The following AFAP1 variants were observed in gnomAD, a reference collection of about 807,000 sequenced individuals.
The protein encoded by AFAP1 is actin filament associated protein 1.
In AFAP1, 75 loss-of-function variants were observed where a neutral mutation model predicts 93.9. The ratio of observed to expected loss-of-function variants is 0.80; its 90% CI spans 0.66 to 0.97. The LOEUF (loss-of-function observed/expected upper bound fraction) is 0.97, where lower values mean the gene tolerates loss of function less well. Among genes scored for constraint, AFAP1 ranks in the 50% least tolerant of loss-of-function variants. The pLI, the probability that AFAP1 is intolerant of heterozygous loss-of-function variation, is 0.00. For synonymous variants in AFAP1, 517 were observed against 430.7 expected (o/e 1.20, Z -2.48); for missense variants, 1,201 against 1,050.8 (o/e 1.14, Z -1.98).
intron 10 of AFAP1, among the ~76,000 whole-genome samples, chr4:7,794,768 C>T (rs1718226522): frequency 6.6e-6 from 1 of 152,128 alleles, no homozygotes; most frequent in African/African-American, 2.4e-5. Flanking sequence ...TCAAGCGATT[C>T]TCCTACCTCA....
chr4:7,846,824 G>A (rs1455324868), intron 4 of AFAP1, among the ~76,000 whole-genome samples: 1 of 152,168 alleles, frequency 6.6e-6, no homozygotes, highest in Non-Finnish European at 1.5e-5. Flanking sequence ...TAAGACATTA[G>A]TCTTATTCAG....
At chr4:7,793,167 T>G (rs1052616249) in intron 11 of AFAP1, among the ~76,000 whole-genome samples, 1 of 141,132 alleles carries the variant, frequency 7.1e-6, no homozygotes, top group South Asian at 2.4e-4. Flanking sequence ...GCAGCATTTT[T>G]TTTTTTAAAA....
intron 6 of AFAP1, among the ~76,000 whole-genome samples, chr4:7,834,486 C>T (rs182369768): frequency 6.6e-6 from 1 of 152,330 alleles, no homozygotes; most frequent in East Asian, 1.9e-4. Flanking sequence ...CCAAACACCA[C>T]CTGTTCCCCA....
intron 13 of AFAP1, among the ~76,000 whole-genome samples, 171 bp downstream of exon 13, chr4:7,781,205 A>G (rs991915239): frequency 2.0e-5 from 3 of 152,216 alleles, no homozygotes; most frequent in African/African-American, 7.2e-5. Flanking sequence ...CTCGTTAGAA[A>G]TATCTCATCA....
chr4:7,792,477 T>C (rs1478446932), intron 11 of AFAP1, among the ~76,000 whole-genome samples: 1 of 152,208 alleles, frequency 6.6e-6, no homozygotes, highest in African/African-American at 2.4e-5. Context: ...AAATGTATCA[T>C]AAGCAACAAA....
intron 2 of AFAP1, among the ~76,000 whole-genome samples, chr4:7,871,021 C>T (rs1716982919): frequency 6.6e-6 from 1 of 152,192 alleles, no homozygotes; most frequent in Non-Finnish European, 1.5e-5. Flanking sequence ...TCTCACATCC[C>T]ATCATCCAGG....
intron 1 of AFAP1, among the ~76,000 whole-genome samples, chr4:7,893,400 G>A (rs1273074848): frequency 1.3e-5 from 2 of 152,058 alleles, no homozygotes. Flanking sequence ...CTAACATGGT[G>A]AAACCCCGTC....
intron 7 of AFAP1, among the ~76,000 whole-genome samples, chr4:7,817,926 A>G (rs1720628107): frequency 1.3e-5 from 2 of 152,076 alleles, no homozygotes; most frequent in Admixed American, 1.3e-4. Flanking sequence ...CATCCCATTT[A>G]TGTTTCTATG....
chr4:7,934,586 T>C (rs1286766072), intron 1 of AFAP1, among the ~76,000 whole-genome samples: 5 of 152,052 alleles, frequency 3.3e-5, no homozygotes, highest in Admixed American at 3.3e-4. Context: ...TCAGGAGAAG[T>C]TGGTGACGAG....
chr4:7,904,920 A>G (rs1018690368), intron 1 of AFAP1, among the ~76,000 whole-genome samples: 1 of 152,036 alleles, frequency 6.6e-6, no homozygotes, highest in African/African-American at 2.4e-5. Flanking sequence ...TGTTGCCCAG[A>G]CTGGTCCCGA....
rs779625940 is a variant in AFAP1 at position 7,800,461 on chromosome 4, T to C, written c.1247A>G (p.Gln416Arg). The change falls in exon 10 of 18, where the codon CAG becomes CGG. Residue 416 changes from glutamine (Q) to arginine (R), a missense_variant. Physicochemically the swap from Gln to Arg is conservative, Grantham distance 43 (BLOSUM62 1). Coordinates refer to ENST00000420658, the MANE Select transcript of AFAP1 (RefSeq NM_001134647.2). ...TCCTACCTCCAATACTGCAACCTCC[T>C]GGCCGTTGCGCAGCAGCCGGAACGT... ...PLTFRLLRNG[Q>R]EVAVLEASSS... 3 of 1,614,170 alleles carry C rather than the reference T, an allele frequency of 1.9e-6. No homozygotes were observed. The Admixed American group carries it at 5.0e-5, about 27-fold the overall frequency.
chr4:7,920,589 G>A (rs761228152), intron 1 of AFAP1, among the ~76,000 whole-genome samples: 1 of 152,168 alleles, frequency 6.6e-6, no homozygotes, highest in Non-Finnish European at 1.5e-5. Context: ...AATCTTCAAA[G>A]TTATACGGAA....
chr4:7,786,657 T>C (rs149510062), intron 11 of AFAP1, among the ~76,000 whole-genome samples: 1 of 147,668 alleles, frequency 6.8e-6, no homozygotes, highest in Non-Finnish European at 1.5e-5. Context: ...CGCAGCAAAG[T>C]CTGCAAATAA....
rs756907769 is a variant in AFAP1 at position 7,855,560 on chromosome 4, C to G, written c.240G>C (p.Gly80=). The G allele has an allele frequency of 6.2e-7, 1 of 1,613,382 alleles. No individual in the cohort carries two copies. The stretch of plus-strand genomic sequence containing the variant: ...GGGAGGATGTTGGCAATGGTGGAGG[C>G]CCACTGTCAGGAGGCTGAGGAAGAA... ...IPQPWLPPDS[G]PPPLPTSSLP... is the part of the protein sequence containing the mutation. The change falls in exon 4 of 18, where the codon GGG becomes GGC. Residue 80 remains glycine, a synonymous_variant. Coordinates refer to ENST00000420658, the MANE Select transcript of AFAP1 (RefSeq NM_001134647.2).
chr4:7,903,178 G>C (rs1178601989), intron 1 of AFAP1, among the ~76,000 whole-genome samples: 2 of 152,152 alleles, frequency 1.3e-5, no homozygotes, highest in Non-Finnish European at 2.9e-5. Flanking sequence ...TCAGCCAATT[G>C]ATTCATTCAT....
intron 14 of AFAP1, chr4:7,776,766 G>T (rs1377232631): frequency 6.6e-6 from 1 of 152,190 alleles, no homozygotes; most frequent in Non-Finnish European, 1.5e-5. Flanking sequence ...CAAAAGGATC[G>T]CTGTTTGCAG....
chr4:7,881,209 C>T (rs1033511060), intron 1 of AFAP1, among the ~76,000 whole-genome samples: 1 of 152,070 alleles, frequency 6.6e-6, no homozygotes, highest in South Asian at 2.1e-4. Context: ...TCTGTACGTC[C>T]CCGCTCCCCT....
chr4:7,797,875 C>G (rs1718585782), intron 10 of AFAP1, among the ~76,000 whole-genome samples: 1 of 151,966 alleles, frequency 6.6e-6, no homozygotes. Context: ...GACATACAGA[C>G]GTAGAGAGAA....
At chr4:7,763,967 TG>T (rs1405549263) in intron 17 of AFAP1, among the ~76,000 whole-genome samples, 176 bp from the exon 18 acceptor site, 3 of 152,182 alleles carry the variant, frequency 2.0e-5, no homozygotes, top group Non-Finnish European at 4.4e-5. Context: ...CCTATCAGAA[TG>T]GAGAGCATGG....
Sources: gnomAD v4.1 joint callset for allele counts (sites outside exome capture counted in the v4.1 genomes callset) on GRCh38, gnomAD v4.1.1 for gene constraint, MANE v1.5 for transcripts, NCBI Gene and HGNC (gene_info 2026-07-23, HGNC 2026-07-21) for gene names.